Variants in CCSER1 observed in about 807,000 individuals in gnomAD.
CCSER1 encodes the protein serine-rich coiled-coil domain-containing protein 1.
Under a neutral mutation model 82.0 loss-of-function variants are expected in CCSER1, and 41 were observed. The observed-to-expected ratio is 0.50, with a 90% CI of 0.39 to 0.65. The LOEUF (loss-of-function observed/expected upper bound fraction) is 0.65, where lower values mean the gene tolerates loss of function less well. Ranked by LOEUF, CCSER1 falls within the 30% of genes least tolerant of loss-of-function variation. The pLI is 0.00. For synonymous variants in CCSER1, 414 were observed against 383.9 expected (o/e 1.08, Z -0.92); for missense variants, 1,119 against 1,064.2 (o/e 1.05, Z -0.72).
At chr4:90,829,956 C>T (rs991230767) in intron 8 of CCSER1, among the ~76,000 whole-genome samples, 8 of 152,146 alleles carry the variant, frequency 5.3e-5, no homozygotes, top group African/African-American at 1.9e-4. Context: ...CACACTTCGC[C>T]ATTTTGACTG....
chr4:91,501,575 T>A (rs112357843), intron 10 of CCSER1, among the ~76,000 whole-genome samples: 2 of 152,068 alleles, frequency 1.3e-5, no homozygotes, highest in East Asian at 3.8e-4. Flanking sequence ...TTATTCCTTA[T>A]GTTTATCAAT....
chr4:90,379,718 TAAGAA>T (rs1264569368), intron 3 of CCSER1, among the ~76,000 whole-genome samples: 1 of 152,124 alleles, frequency 6.6e-6, no homozygotes, highest in East Asian at 1.9e-4. Flanking sequence ...TGATATGGTA[TAAGAA>T]ATGGGAGATT....
chr4:91,073,092 C>T, intron 9 of CCSER1, among the ~76,000 whole-genome samples: 1 of 151,826 alleles, frequency 6.6e-6, no homozygotes, highest in Non-Finnish European at 1.5e-5. Context: ...TCAAAGCTTC[C>T]AGTGAATGGC....
At chr4:90,862,484 C>T (rs1425612435) in intron 8 of CCSER1, among the ~76,000 whole-genome samples, 1 of 151,872 alleles carries the variant, frequency 6.6e-6, no homozygotes, top group Non-Finnish European at 1.5e-5. Context: ...TATGCTTCCT[C>T]TCTTGCCTTA....
At chr4:90,503,980 A>T (rs1057211565) in intron 5 of CCSER1, among the ~76,000 whole-genome samples, 4 of 152,068 alleles carry the variant, frequency 2.6e-5, no homozygotes, top group African/African-American at 9.7e-5. Context: ...ATCCTTTCTC[A>T]TATAACATTT....
At chr4:90,314,796 G>A (rs541496397) in intron 3 of CCSER1, among the ~76,000 whole-genome samples, 4 of 145,844 alleles carry the variant, frequency 2.7e-5, no homozygotes, top group African/African-American at 7.6e-5. Context: ...AATGTAAAAA[G>A]TGCTTCTTAT....
intron 10 of CCSER1, among the ~76,000 whole-genome samples, chr4:91,449,774 T>C (rs768315520): frequency 1.3e-5 from 2 of 152,088 alleles, no homozygotes; most frequent in African/African-American, 2.4e-5. Context: ...TTAAGTTTGT[T>C]GAAATTTTAT....
chr4:90,349,628 AT>A (rs375653940), intron 3 of CCSER1, among the ~76,000 whole-genome samples: 1 of 151,604 alleles, frequency 6.6e-6, no homozygotes, highest in African/African-American at 2.4e-5. Flanking sequence ...CACGTATTTC[AT>A]TTTCTTCTTT....
intron 9 of CCSER1, among the ~76,000 whole-genome samples, chr4:90,946,350 G>C (rs1158032100): frequency 6.6e-6 from 1 of 152,158 alleles, no homozygotes; most frequent in Non-Finnish European, 1.5e-5. Flanking sequence ...TATGGAGGAG[G>C]CTGGGTGCGG....
intron 5 of CCSER1, among the ~76,000 whole-genome samples, chr4:90,517,555 T>G (rs1772455279): frequency 6.6e-6 from 1 of 152,094 alleles, no homozygotes; most frequent in Admixed American, 6.6e-5. Flanking sequence ...AATATTCAAG[T>G]GGAAGTGTCA....
intron 1 of CCSER1, among the ~76,000 whole-genome samples, chr4:90,288,114 C>G (rs2153464129): frequency 6.6e-6 from 1 of 152,102 alleles, no homozygotes; most frequent in African/African-American, 2.4e-5. Flanking sequence ...GTCGTTATCT[C>G]TCCTTTGGAT....
intron 10 of CCSER1, among the ~76,000 whole-genome samples, chr4:91,449,724 T>C (rs1469999431): frequency 6.6e-6 from 1 of 152,020 alleles, no homozygotes; most frequent in Non-Finnish European, 1.5e-5. Context: ...TATTTTTCGT[T>C]AATTGTTTTG....
intron 8 of CCSER1, among the ~76,000 whole-genome samples, chr4:90,919,089 T>TAAAAAAAAAAAAAA: frequency 1.1e-5 from 1 of 87,224 alleles, no homozygotes; most frequent in African/African-American, 3.7e-5. Context: ...GTTTCCACAG[T>TAAAAAAAAAAAAAA]AAAAAAAAAA....
intron 1 of CCSER1, among the ~76,000 whole-genome samples, chr4:90,247,358 C>T (rs1482493838): frequency 6.6e-6 from 1 of 151,864 alleles, no homozygotes; most frequent in African/African-American, 2.4e-5. Context: ...GTTGATACAT[C>T]CTGGTTGCTA....
At chr4:90,140,286 C>T (rs559576852) in intron 1 of CCSER1, among the ~76,000 whole-genome samples, 7 of 152,188 alleles carry the variant, frequency 4.6e-5, no homozygotes, top group Non-Finnish European at 8.8e-5. Context: ...GATGAATTTT[C>T]GCAATCATCT....
chr4:90,308,818 G>C lies in CCSER1; in HGVS notation c.534G>C (p.Arg178Ser). The C allele has an allele frequency of 6.2e-7, 1 of 1,613,762 alleles. No homozygotes were observed. The highest frequency in any genetic ancestry group is 8.5e-7 in the Non-Finnish European group (1 of 1,179,810). ...QTRRSVKQST[R>S]KLLPKSFSSH... ...GTCGTTCTGTTAAGCAGTCAACAAG[G>C]AAGCTACTCCCTAAATCTTTTTCAT... The change falls in exon 2 of 11, where the codon AGG (arginine) becomes AGC (serine). Residue 178 changes from arginine to serine, a missense_variant. Coordinates refer to ENST00000509176, the MANE Select transcript of CCSER1 (RefSeq NM_001145065.2).
chr4:90,319,852 C>T (rs769835978), intron 3 of CCSER1, among the ~76,000 whole-genome samples: 31 of 151,978 alleles, frequency 2.0e-4, no homozygotes, highest in Non-Finnish European at 4.0e-4. Context: ...AAAATGGAAG[C>T]CATTAATATT....
At chr4:91,281,854 C>T (rs72877070) in intron 10 of CCSER1, among the ~76,000 whole-genome samples, 3,393 of 152,036 alleles carry the variant, frequency 0.022, 136 homozygotes, top group African/African-American at 0.075. Context: ...TTCCTCTTTC[C>T]CTAGTTAAAT....
intron 10 of CCSER1, among the ~76,000 whole-genome samples, chr4:91,108,992 G>C (rs1272257994): frequency 1.3e-5 from 2 of 152,166 alleles, no homozygotes; most frequent in African/African-American, 4.8e-5. Context: ...CAGAAGAAAG[G>C]CAGATTTGCT....
Sources: allele counts gnomAD v4.1 joint callset (sites outside exome capture counted in the v4.1 genomes callset), GRCh38; gene constraint gnomAD v4.1.1; transcripts MANE v1.5; gene names NCBI Gene and HGNC (gene_info 2026-07-23, HGNC 2026-07-21).